Variants in NALF1 observed in about 807,000 individuals in gnomAD.
NALF1 encodes the protein family with sequence similarity 155 member A.
A neutral mutation model predicts 48.4 loss-of-function variants in NALF1; 3 were observed. That is an observed-to-expected ratio of 0.06 (90% confidence interval 0.03 to 0.16). NALF1 has a LOEUF of 0.16. Among genes scored for constraint, NALF1 ranks in the 10% least tolerant of loss-of-function variants. The pLI is 1.00. For missense variants in NALF1, 526 were observed against 571.5 expected (o/e 0.92, Z 0.81); for synonymous variants, 262 against 245.7 (o/e 1.07, Z -0.62).
intron 1 of NALF1, among the ~76,000 whole-genome samples, chr13:107,709,309 AGAG>A (rs1183990575): frequency 6.6e-6 from 1 of 152,218 alleles, no homozygotes; most frequent in Non-Finnish European, 1.5e-5. Context: ...CTACGGCAGA[AGAG>A]GAGATGGGGC....
At chr13:107,510,244 A>T (rs1405681114) in intron 1 of NALF1, among the ~76,000 whole-genome samples, 1 of 152,178 alleles carries the variant, frequency 6.6e-6, no homozygotes, top group Non-Finnish European at 1.5e-5. Flanking sequence ...TTCACACCCA[A>T]TTCCTCCTCT....
chr13:107,766,503 G>A (rs999374958), intron 1 of NALF1, among the ~76,000 whole-genome samples: 7 of 152,112 alleles, frequency 4.6e-5, no homozygotes, highest in Admixed American at 6.6e-5. Flanking sequence ...TAATGGTGAT[G>A]GGGGAGAACT....
intron 1 of NALF1, among the ~76,000 whole-genome samples, chr13:107,830,743 A>G (rs1879694688): frequency 6.6e-6 from 1 of 152,136 alleles, no homozygotes; most frequent in African/African-American, 2.4e-5. Flanking sequence ...CTCCTTCTGC[A>G]CCACAGGCCT....
intron 1 of NALF1, among the ~76,000 whole-genome samples, chr13:107,673,230 G>T (rs1408943928): frequency 6.6e-6 from 1 of 152,006 alleles, no homozygotes; most frequent in Non-Finnish European, 1.5e-5. Context: ...TGCTGTTAAA[G>T]GATTAATTTA....
In NALF1 at chr13:107,578,425, T is replaced by C. The variant is rs553382796; in HGVS notation, c.915+287257A>G. On this transcript the variant is annotated intron_variant, in intron 1 of 2. Coordinates refer to ENST00000375915, the MANE Select transcript of NALF1 (RefSeq NM_001080396.3). Reference sequence around the variant, plus strand: ...ATTCTAATAGAGTAATTTTTCATCCTTTCTTGTGATGTTTTCATTGGCCTA... The same window carrying C: ...ATTCTAATAGAGTAATTTTTCATCCCTTCTTGTGATGTTTTCATTGGCCTA... Among the ~76,000 whole-genome samples the C allele has an allele frequency of 1.5e-3, 228 of 152,322 alleles. 1 individual carries two copies. Among genetic ancestry groups the C allele is most frequent in the African/African-American group, 5.3e-3 (220 of 41,580 alleles).
chr13:107,771,316 A>G (rs1196745315), intron 1 of NALF1, among the ~76,000 whole-genome samples: 1 of 151,854 alleles, frequency 6.6e-6, no homozygotes, highest in Middle Eastern at 3.2e-3. Flanking sequence ...TTACAATTGA[A>G]AATATAAATA....
intron 1 of NALF1, among the ~76,000 whole-genome samples, chr13:107,463,743 T>C (rs1884955858): frequency 6.6e-6 from 1 of 152,128 alleles, no homozygotes; most frequent in Non-Finnish European, 1.5e-5. Context: ...GAGTATTCAG[T>C]AGAGAACAGA....
intron 1 of NALF1, among the ~76,000 whole-genome samples, chr13:107,366,170 T>C (rs1344288606): frequency 1.3e-5 from 2 of 152,212 alleles, no homozygotes; most frequent in Non-Finnish European, 2.9e-5. Context: ...ATAGCACCCT[T>C]ATTCATGAAG....
intron 1 of NALF1, among the ~76,000 whole-genome samples, chr13:107,529,666 C>G (rs1418462470): frequency 1.3e-5 from 2 of 152,128 alleles, no homozygotes; most frequent in African/African-American, 4.8e-5. Flanking sequence ...CAGCTTGGCT[C>G]CCATTGCAAT....
intron 2 of NALF1, among the ~76,000 whole-genome samples, chr13:107,181,630 A>C (rs917143973): frequency 7.3e-6 from 1 of 136,750 alleles, no homozygotes; most frequent in African/African-American, 2.7e-5. Context: ...TTTTTTTGCA[A>C]ATGTTAGTAT....
At chr13:107,858,538 A>G (rs1880492635) in intron 1 of NALF1, among the ~76,000 whole-genome samples, 1 of 152,182 alleles carries the variant, frequency 6.6e-6, no homozygotes, top group African/African-American at 2.4e-5. Flanking sequence ...AATCCAAAAA[A>G]TTAGCCATTT....
intron 1 of NALF1, among the ~76,000 whole-genome samples, chr13:107,821,516 A>T (rs562664727): frequency 6.6e-6 from 1 of 152,124 alleles, no homozygotes; most frequent in Non-Finnish European, 1.5e-5. Flanking sequence ...AAAACCCATA[A>T]CCTTAGTCTA....
At chr13:107,223,916 T>A (rs911304996) in intron 1 of NALF1, among the ~76,000 whole-genome samples, 1 of 152,210 alleles carries the variant, frequency 6.6e-6, no homozygotes, top group Admixed American at 6.5e-5. Flanking sequence ...AGGGCCTATC[T>A]TAGCCCATGT....
chr13:107,272,890 A>G (rs1881205236), intron 1 of NALF1, among the ~76,000 whole-genome samples: 1 of 152,238 alleles, frequency 6.6e-6, no homozygotes, highest in South Asian at 2.1e-4. Flanking sequence ...ACGTGTATAA[A>G]CTACAATATA....
At chr13:107,738,670 CTTTATTTTA>C (rs1876534491) in intron 1 of NALF1, among the ~76,000 whole-genome samples, 1 of 152,004 alleles carries the variant, frequency 6.6e-6, no homozygotes, top group Non-Finnish European at 1.5e-5. Flanking sequence ...GTAAAATTTT[CTTTATTTTA>C]TTTTTGAAAT....
At chr13:107,799,436 A>G (rs1050602376) in intron 1 of NALF1, among the ~76,000 whole-genome samples, 1 of 152,176 alleles carries the variant, frequency 6.6e-6, no homozygotes, top group African/African-American at 2.4e-5. Context: ...ACACTCAGTA[A>G]ACACCAGTTT....
intron 1 of NALF1, among the ~76,000 whole-genome samples, chr13:107,558,366 AAAATTATCATTG>A (rs1395034577): frequency 6.6e-6 from 1 of 152,174 alleles, no homozygotes; most frequent in African/African-American, 2.4e-5. Flanking sequence ...CAATAGCACA[AAAATTATCATTG>A]AAATTGGGCC....
At chr13:107,625,032 A>C (rs752716426) in intron 1 of NALF1, among the ~76,000 whole-genome samples, 1 of 152,182 alleles carries the variant, frequency 6.6e-6, no homozygotes, top group Non-Finnish European at 1.5e-5. Context: ...TAACTCTATG[A>C]ATATGATTCC....
At chr13:107,573,402 T>C (rs1470654495) in intron 1 of NALF1, among the ~76,000 whole-genome samples, 1 of 152,086 alleles carries the variant, frequency 6.6e-6, no homozygotes, top group East Asian at 1.9e-4. Context: ...CCCACAGTAC[T>C]TGGCACATAA....
Sources: allele counts gnomAD v4.1 joint callset (sites outside exome capture counted in the v4.1 genomes callset), GRCh38; gene constraint gnomAD v4.1.1; transcripts MANE v1.5; gene names NCBI Gene and HGNC (gene_info 2026-07-23, HGNC 2026-07-21).